SETBP1: variants seen among roughly 807,000 people sequenced by gnomAD.
SETBP1 encodes the protein SET-binding protein.
Under a neutral mutation model 101.0 loss-of-function variants are expected in SETBP1, and 9 were observed. That is an observed-to-expected ratio of 0.09 (90% CI 0.05 to 0.16). The LOEUF (loss-of-function observed/expected upper bound fraction) is 0.16, where lower values mean the gene tolerates loss of function less well. Among genes scored for constraint, SETBP1 ranks in the 10% least tolerant of loss-of-function variants. The probability of loss-of-function intolerance (pLI) is 1.00; values close to 1 mark genes in which losing one functional copy is unlikely to be tolerated. For synonymous variants in SETBP1, 818 were observed against 788.5 expected (o/e 1.04, Z -0.63); for missense variants, 1,858 against 2,033.8 (o/e 0.91, Z 1.66).
At chr18:44,768,373 GGTGTATGTGT>G (rs1335417257) in intron 2 of SETBP1, among the ~76,000 whole-genome samples, 2 of 152,028 alleles carry the variant, frequency 1.3e-5, no homozygotes, top group Non-Finnish European at 2.9e-5. Context: ...ATGCTTTCAT[GGTGTATGTGT>G]GTGTATGTGT....
In SETBP1 at chr18:44,940,154, C is replaced by T. The variant is rs181799024; in HGVS notation, c.541-9727C>T. Among the ~76,000 whole-genome samples, 125 of 152,246 alleles carry T rather than the reference C, an allele frequency of 8.2e-4. 1 individual carries two copies. Among genetic ancestry groups the T allele is most frequent in the African/African-American group, 2.6e-3 (110 of 41,544 alleles). ...ATTATCTCTGGGAATGCTTTTTACT[C>T]GGAAGCCTATTTTTCCTTACATTAA... On this transcript the variant is annotated intron_variant, in intron 3 of 5. Coordinates refer to ENST00000649279, the MANE Select transcript of SETBP1 (RefSeq NM_015559.3).
At chr18:44,684,585 GTTTT>G (rs5824553) in intron 1 of SETBP1, among the ~76,000 whole-genome samples, 1 of 133,132 alleles carries the variant, frequency 7.5e-6, no homozygotes, top group Non-Finnish European at 1.6e-5. Flanking sequence ...TTTTTAGAAG[GTTTT>G]TTTTTTTTTT....
Position 44,961,151 on chromosome 18 carries a change from T to C in SETBP1, c.4000+7811T>C, listed in dbSNP as rs555679499. ...AATGAAGGAAGGAGGGTGGAAGAGA[T>C]GACCTGGCAACCCACCTTAAACACA... On this transcript the variant is annotated intron_variant, in intron 4 of 5. Coordinates refer to ENST00000649279, the MANE Select transcript of SETBP1 (RefSeq NM_015559.3). Among the ~76,000 whole-genome samples the C allele has an allele frequency of 1.8e-4, 28 of 152,146 alleles. 1 individual carries two copies. In the South Asian group the frequency reaches 4.2e-3, roughly 23 times the overall value.
intron 4 of SETBP1, among the ~76,000 whole-genome samples, chr18:44,973,496 G>A (rs2071915320): frequency 6.6e-6 from 1 of 152,202 alleles, no homozygotes; most frequent in South Asian, 2.1e-4. Context: ...TTCCAAGTGA[G>A]AGAGATGCTC....
At chr18:44,739,104 ATC>A (rs2070043261) in intron 2 of SETBP1, among the ~76,000 whole-genome samples, 1 of 152,124 alleles carries the variant, frequency 6.6e-6, no homozygotes, top group Non-Finnish European at 1.5e-5. Flanking sequence ...TCAACCTGCC[ATC>A]TCTCTGGTTC....
At chr18:44,686,689 G>A (rs1466605553) in intron 1 of SETBP1, among the ~76,000 whole-genome samples, 4 of 152,212 alleles carry the variant, frequency 2.6e-5, no homozygotes, top group Admixed American at 6.5e-5. Flanking sequence ...TGTTTAAGGT[G>A]TATTAACACT....
intron 2 of SETBP1, among the ~76,000 whole-genome samples, chr18:44,863,954 T>C (rs2069073224): frequency 6.6e-6 from 1 of 152,092 alleles, no homozygotes; most frequent in South Asian, 2.1e-4. Context: ...ACCCTGCCTT[T>C]TGTGTCAGTG....
At chr18:44,995,753 AAAAC>A (rs1446607230) in intron 4 of SETBP1, among the ~76,000 whole-genome samples, 2 of 152,134 alleles carry the variant, frequency 1.3e-5, no homozygotes, top group Non-Finnish European at 2.9e-5. Context: ...TGGAAGGTAA[AAAAC>A]AAAGATGAAC....
At chr18:44,954,739 G>T (rs2071446787) in intron 4 of SETBP1, among the ~76,000 whole-genome samples, 1 of 152,176 alleles carries the variant, frequency 6.6e-6, no homozygotes, top group Admixed American at 6.5e-5. Context: ...CCTACACTTT[G>T]TGTCTGCCCA....
chr18:44,728,339 T>C (rs943173414), intron 2 of SETBP1, among the ~76,000 whole-genome samples: 8 of 152,306 alleles, frequency 5.3e-5, no homozygotes, highest in Admixed American at 3.3e-4. Flanking sequence ...CACGTCTCCC[T>C]GTGCTAAGTT....
chr18:44,837,837 T>C (rs2072530091), intron 2 of SETBP1, among the ~76,000 whole-genome samples: 6 of 152,256 alleles, frequency 3.9e-5, no homozygotes. Context: ...AAGGATGTTT[T>C]GATTATCTGT....
At chr18:44,932,550 A>G (rs2070861776) in intron 3 of SETBP1, among the ~76,000 whole-genome samples, 2 of 152,096 alleles carry the variant, frequency 1.3e-5, no homozygotes. Context: ...ACTTTGTTCC[A>G]TTCTCCCCAT....
At chr18:44,914,553 A>G (rs2070384016) in intron 3 of SETBP1, among the ~76,000 whole-genome samples, 1 of 152,184 alleles carries the variant, frequency 6.6e-6, no homozygotes, top group African/African-American at 2.4e-5. Context: ...TTTTTGAGTG[A>G]CTATCACCTT....
intron 2 of SETBP1, among the ~76,000 whole-genome samples, chr18:44,799,855 A>G (rs146078524): frequency 5.6e-4 from 86 of 152,216 alleles, no homozygotes; most frequent in Admixed American, 1.4e-3. Flanking sequence ...GCTAAAACCA[A>G]AGGGTAAAGG....
intron 1 of SETBP1, among the ~76,000 whole-genome samples, chr18:44,683,642 A>G (rs1484053089): frequency 6.6e-6 from 1 of 152,246 alleles, no homozygotes; most frequent in Non-Finnish European, 1.5e-5. Context: ...AAAAGGAAGC[A>G]GATGAGAAAT....
chr18:45,031,344 G>A (rs2073293897), intron 4 of SETBP1, among the ~76,000 whole-genome samples: 1 of 152,126 alleles, frequency 6.6e-6, no homozygotes, highest in Admixed American at 6.6e-5. Context: ...GAATTACGAT[G>A]TGGACAGCTT....
intron 2 of SETBP1, among the ~76,000 whole-genome samples, chr18:44,709,272 C>G (rs974852108): frequency 5.3e-5 from 8 of 152,158 alleles, no homozygotes; most frequent in African/African-American, 1.9e-4. Context: ...CCAGCAAAAA[C>G]TGTGTTCTGT....
At chr18:44,757,859 G>T (rs1023283161) in intron 2 of SETBP1, among the ~76,000 whole-genome samples, 4 of 120,498 alleles carry the variant, frequency 3.3e-5, no homozygotes, top group African/African-American at 1.3e-4. Context: ...TTAATTTGTT[G>T]CTAAACCTAT....
At chr18:44,769,433 T>C (rs1393908934) in intron 2 of SETBP1, among the ~76,000 whole-genome samples, 1 of 152,254 alleles carries the variant, frequency 6.6e-6, no homozygotes, top group Non-Finnish European at 1.5e-5. Flanking sequence ...ATGTGCTGTT[T>C]ATCTCTGCTC....
Sources: gnomAD v4.1 joint callset for allele counts (sites outside exome capture counted in the v4.1 genomes callset) on GRCh38, gnomAD v4.1.1 for gene constraint, MANE v1.5 for transcripts, NCBI Gene and HGNC (gene_info 2026-07-23, HGNC 2026-07-21) for gene names.